The following GPR180 variants were observed in gnomAD, a reference collection of about 807,000 sequenced individuals.
The protein encoded by GPR180 is integral membrane protein GPR180.
A neutral mutation model predicts 52.6 loss-of-function variants in GPR180; 53 were observed. That is an observed-to-expected ratio of 1.01 (90% CI 0.81 to 1.27). The LOEUF is 1.27. Ranked by LOEUF, GPR180 falls within the 50% of genes most tolerant of loss-of-function variation. GPR180 has a pLI of 0.00. For missense variants in GPR180, 533 were observed against 527.0 expected, an observed-to-expected ratio of 1.01 and a Z score of -0.11; for synonymous variants, 200 against 193.1, an observed-to-expected ratio of 1.04 and a Z score of -0.30.
At position 94,602,065 on chromosome 13, in the gene GPR180, G is replaced by C. The variant is rs543380067; in HGVS notation, c.138G>C (p.Glu46Asp). The C allele has an allele frequency of 1.5e-5, 21 of 1,391,726 alleles. No individual in the cohort carries two copies. The African/African-American group carries it at 2.9e-4, about 20-fold the overall frequency. The allele number at this position is 1,391,726 out of a possible 1,614,324, so 86.2% of individuals were successfully genotyped here. The change falls in exon 1 of 9, where the codon GAG (glutamate) becomes GAC (aspartate). Residue 46 changes from glutamate (E) to aspartate (D), a missense_variant. Glu to Asp is a conservative substitution (Grantham distance 45). Coordinates refer to ENST00000376958, the MANE Select transcript of GPR180 (RefSeq NM_180989.6). ...AGGGCCAGCGCATCGGCCACTTCGAGTTCCATGGTAGGTCTGGGGGCGGGG... is the reference window on the plus strand; with the variant it reads ...AGGGCCAGCGCATCGGCCACTTCGACTTCCATGGTAGGTCTGGGGGCGGGG... The part of the protein sequence containing the change: ...DAQGQRIGHF[E>D]FHGDHALLCV...
Position 94,623,239 on chromosome 13 carries a change from A to G in GPR180, c.1025A>G (p.Tyr342Cys). 5 of 1,614,082 alleles carry G rather than the reference A, an allele frequency of 3.1e-6. No individual in the cohort carries two copies. The highest frequency in any genetic ancestry group is 4.2e-6 in the Non-Finnish European group (5 of 1,179,948). Residue 342 changes from tyrosine to cysteine, a missense_variant, in exon 7 of 9, where the codon TAT becomes TGT. Tyr to Cys is a radical substitution (Grantham distance 194, BLOSUM62 -2). Transcript: ENST00000376958. ...GCATTGTCATTAGGCTGTGGACTCT[A>G]TCAGATCATCACAGTGGAGAGAAGT... ...CLALSLGCGLYQIITVERSTL... is the reference protein window; with the variant it reads ...CLALSLGCGLCQIITVERSTL...
In GPR180 at chr13:94,625,987, T is replaced by C. The variant is rs746229856; in HGVS notation, c.1108T>C (p.Cys370Arg). The C allele has an allele frequency of 3.7e-6, 6 of 1,612,344 alleles. No individual in the cohort carries two copies. The highest frequency in any genetic ancestry group is 2.2e-5 in the East Asian group (1 of 44,708). ...TCAGGGCTGTATCTTGTGGTTTTTA[T>C]GCCATCCAGTTCTTGCATGCATTTC... Reference protein sequence around the residue: ...FAKGCILWFLCHPVLACISVI... With the variant: ...FAKGCILWFLRHPVLACISVI... Residue 370 changes from cysteine to arginine, a missense_variant, in exon 8 of 9, where the codon TGC (cysteine) becomes CGC (arginine). Cys to Arg is a radical substitution (Grantham distance 180). Coordinates refer to ENST00000376958, the MANE Select transcript of GPR180 (RefSeq NM_180989.6).
chr13:94,604,612 G>T (rs1056448072), intron 1 of GPR180, among the ~76,000 whole-genome samples: 1 of 152,012 alleles, frequency 6.6e-6, no homozygotes, highest in African/African-American at 2.4e-5. Context: ...GTTTTGCTCT[G>T]TCACCCAGAC....
Position 94,624,762 on chromosome 13 carries a change from T to G in GPR180, c.1087-1204T>G, listed in dbSNP as rs146165589. On this transcript the variant is annotated intron_variant, in intron 7 of 8. Coordinates refer to ENST00000376958, the MANE Select transcript of GPR180 (RefSeq NM_180989.6). ...TTTCACCGTGTTAGCCAGGATGCTCTCGACCTCCTGACCTTGTGATATGCC... is the reference window on the plus strand; with the variant it reads ...TTTCACCGTGTTAGCCAGGATGCTCGCGACCTCCTGACCTTGTGATATGCC... Among the ~76,000 whole-genome samples, 1,012 of 152,314 alleles carry G rather than the reference T, an allele frequency of 6.6e-3. 12 individuals carry two copies. Among genetic ancestry groups the G allele is most frequent in the African/African-American group, 0.023 (964 of 41,568 alleles).
intron 3 of GPR180, among the ~76,000 whole-genome samples, chr13:94,618,066 C>T (rs1268863647): frequency 1.3e-5 from 2 of 152,188 alleles, no homozygotes; most frequent in Admixed American, 1.3e-4. Context: ...TGCTAGTAGG[C>T]ACTAGAGGCT....
At position 94,605,377 on chromosome 13, in the gene GPR180, G is replaced by C. The variant is rs1191017693; in HGVS notation, c.146-14G>C. On this transcript the variant is annotated splice_polypyrimidine_tract_variant and intron_variant, in intron 1 of 8. Transcript: ENST00000376958. ...AAGACCAAACTAGTTGATGATTTTTGTTTTAATGTCAAGGTGACCATGCTC... is the reference window on the plus strand; with the variant it reads ...AAGACCAAACTAGTTGATGATTTTTCTTTTAATGTCAAGGTGACCATGCTC... The C allele has an allele frequency of 3.1e-6, 5 of 1,613,230 alleles. No individual in the cohort carries two copies. In the Admixed American group the frequency reaches 8.4e-5, roughly 27 times the overall value.
chr13:94,603,498 A>G (rs1458616806), intron 1 of GPR180, among the ~76,000 whole-genome samples: 1 of 152,200 alleles, frequency 6.6e-6, no homozygotes, highest in Non-Finnish European at 1.5e-5. Flanking sequence ...AAAATCACAT[A>G]TAGTTATTAC....
At chr13:94,621,795 CT>C (rs756884117) in intron 6 of GPR180, among the ~76,000 whole-genome samples, 10 of 150,972 alleles carry the variant, frequency 6.6e-5, no homozygotes, top group African/African-American at 9.7e-5. Context: ...TCCTGCATGC[CT>C]TTTTTTTTAT....
intron 5 of GPR180, 46 bp downstream of exon 5, chr13:94,619,563 A>G (rs201717511): frequency 1.5e-5 from 22 of 1,461,740 alleles, no homozygotes; most frequent in African/African-American, 5.7e-5. Flanking sequence ...TACACTCGCT[A>G]TCTGCTTTTT....
chr13:94,622,252 C>T (rs976036596), intron 6 of GPR180, among the ~76,000 whole-genome samples: 8 of 152,036 alleles, frequency 5.3e-5, no homozygotes, highest in Non-Finnish European at 1.0e-4. Flanking sequence ...TGTTTTTGAG[C>T]CAGGACTTAT....
At chr13:94,618,451 G>C (rs1255633985) in intron 3 of GPR180, among the ~76,000 whole-genome samples, 1 of 69,116 alleles carries the variant, frequency 1.4e-5, no homozygotes, top group African/African-American at 1.3e-4. Flanking sequence ...TTTGGCAAGA[G>C]CTGCAGACAG....
At chr13:94,623,943 CA>C (rs1268024883) in intron 7 of GPR180, among the ~76,000 whole-genome samples, 2 of 152,232 alleles carry the variant, frequency 1.3e-5, no homozygotes, top group South Asian at 2.1e-4. Context: ...GATTTCTCAA[CA>C]GTTATTAATT....
At chr13:94,609,437 T>C (rs1889674700) in intron 2 of GPR180, among the ~76,000 whole-genome samples, 1 of 152,208 alleles carries the variant, frequency 6.6e-6, no homozygotes. Context: ...TAAAGGCCGG[T>C]ATCACTTTAT....
intron 2 of GPR180, among the ~76,000 whole-genome samples, chr13:94,609,840 GT>G (rs1889681727): frequency 6.6e-6 from 1 of 151,296 alleles, no homozygotes; most frequent in South Asian, 2.1e-4. Flanking sequence ...AGATCCTCTT[GT>G]TCAATTTAAC....
intron 7 of GPR180, among the ~76,000 whole-genome samples, chr13:94,624,515 T>C (rs1755199319): frequency 6.6e-6 from 1 of 152,212 alleles, no homozygotes; most frequent in Non-Finnish European, 1.5e-5. Flanking sequence ...GATAAGTTAA[T>C]ATGTATTTGA....
At position 94,632,562 on chromosome 13, in the gene GPR180, A is replaced by G. The variant is rs1890012336; in HGVS notation, c.*5391A>G. 1.3e-5 allele frequency: 2 copies of G among 152,206 alleles called. No homozygotes were observed. The highest frequency in any genetic ancestry group is 1.3e-4 in the Admixed American group (2 of 15,286). The allele number at this position is 152,206 out of a possible 1,614,324, so 9.4% of individuals were successfully genotyped here. On this transcript the variant is annotated 3_prime_UTR_variant, in exon 9 of 9. Coordinates refer to ENST00000376958, the MANE Select transcript of GPR180 (RefSeq NM_180989.6). ...ACGTTGTTGGTTTTCAGTCTTGCTA[A>G]TACAGACAAGGCTGAAATTAAGACA...
chr13:94,626,765 G>A (rs562538063), intron 8 of GPR180, among the ~76,000 whole-genome samples: 12 of 152,138 alleles, frequency 7.9e-5, no homozygotes, highest in African/African-American at 2.4e-4. Flanking sequence ...GGAGAGAATG[G>A]TTTAGCAAGT....
chr13:94,612,520 ATCT>A (rs996999243), intron 3 of GPR180, 130 bp downstream of exon 3: 21 of 657,702 alleles, frequency 3.2e-5, no homozygotes, highest in Middle Eastern at 4.2e-4. Context: ...GGTTAAATTA[ATCT>A]TCTTATAGCA....
intron 5 of GPR180, among the ~76,000 whole-genome samples, chr13:94,620,079 A>G (rs1889832646): frequency 6.6e-6 from 1 of 152,186 alleles, no homozygotes; most frequent in Non-Finnish European, 1.5e-5. Context: ...TCAATAGAAA[A>G]GGGGTCTGCA....
Sources: gnomAD v4.1 joint callset for allele counts (sites outside exome capture counted in the v4.1 genomes callset) on GRCh38, gnomAD v4.1.1 for gene constraint, MANE v1.5 for transcripts, NCBI Gene and HGNC (gene_info 2026-07-23, HGNC 2026-07-21) for gene names.